LMO1: variants seen among roughly 807,000 people sequenced by gnomAD.
LMO1 encodes the protein rhombotin-1.
LMO1 carries 10 observed loss-of-function variants against 18.0 expected under a neutral mutation model. The ratio of observed to expected loss-of-function variants is 0.55; its 90% CI spans 0.34 to 0.94. The LOEUF (loss-of-function observed/expected upper bound fraction) is 0.94. Ranked by LOEUF, LMO1 falls within the 40% of genes least tolerant of loss-of-function variation. The pLI, the probability that LMO1 is intolerant of heterozygous loss-of-function variation, is 0.02. For missense variants in LMO1, 183 were observed against 205.7 expected, an observed-to-expected ratio of 0.89 and a Z score of 0.68; for synonymous variants, 77 against 77.9, an observed-to-expected ratio of 0.99 and a Z score of 0.06.
At chr11:8,230,215 C>T in intron 2 of LMO1, 76 bp downstream of exon 2, 3 of 1,346,450 alleles carry the variant, frequency 2.2e-6, no homozygotes, top group Non-Finnish European at 3.2e-6. Flanking sequence ...GCCGGGGGCA[C>T]AGTCACGCTG....
chr11:8,268,211 C>T (rs1235003351), upstream of LMO1, among the ~76,000 whole-genome samples: 1 of 152,200 alleles, frequency 6.6e-6, no homozygotes, highest in African/African-American at 2.4e-5. Context: ...CCGCCGCCGC[C>T]GAAGCCCGGG....
intron 1 of LMO1, among the ~76,000 whole-genome samples, chr11:8,232,332 C>G (rs1278151575): frequency 2.0e-5 from 3 of 152,188 alleles, no homozygotes; most frequent in Non-Finnish European, 4.4e-5. Flanking sequence ...CAGGGCCCAG[C>G]CTGGCACAGA....
chr11:8,250,966 G>T (rs577101211), intron 1 of LMO1, among the ~76,000 whole-genome samples: 1 of 152,212 alleles, frequency 6.6e-6, no homozygotes, highest in Non-Finnish European at 1.5e-5. Flanking sequence ...AACAGCAGGG[G>T]ACAGGGCCTT....
At chr11:8,226,885 G>A (rs578188357) in intron 3 of LMO1, 90 bp downstream of exon 3, 24 of 1,484,268 alleles carry the variant, frequency 1.6e-5, no homozygotes, top group East Asian at 1.2e-4. Flanking sequence ...CCGCATTTGC[G>A]TGCACGCCTC....
chr11:8,240,273 T>C (rs763724661), intron 1 of LMO1, among the ~76,000 whole-genome samples: 3 of 152,240 alleles, frequency 2.0e-5, no homozygotes, highest in African/African-American at 7.2e-5. Context: ...GGAAGCTTCA[T>C]ATGCTGCATT....
chr11:8,228,262 A>C (rs989985895), intron 2 of LMO1, among the ~76,000 whole-genome samples: 1 of 152,238 alleles, frequency 6.6e-6, no homozygotes, highest in African/African-American at 2.4e-5. Context: ...TGGATGTCCC[A>C]ATGGTCTGAG....
intron 1 of LMO1, among the ~76,000 whole-genome samples, chr11:8,255,255 C>G (rs183577020): frequency 1.6e-3 from 251 of 152,286 alleles, no homozygotes; most frequent in Non-Finnish European, 2.9e-3. Flanking sequence ...GCTTGTAATC[C>G]CAGCACTTTG....
chr11:8,259,128 A>C (rs1316562279), intron 1 of LMO1, among the ~76,000 whole-genome samples: 1 of 142,102 alleles, frequency 7.0e-6, no homozygotes, highest in African/African-American at 2.6e-5. Context: ...TTTTAGCAAG[A>C]CACCGCCATC....
intron 1 of LMO1, among the ~76,000 whole-genome samples, chr11:8,241,203 T>C (rs17227935): frequency 0.23 from 34,619 of 152,040 alleles, 4,110 homozygotes; most frequent in South Asian, 0.29. Context: ...CCCAGCACTC[T>C]GGCCAGAAAC....
At chr11:8,241,254 C>G (rs905286679) in intron 1 of LMO1, among the ~76,000 whole-genome samples, 4 of 152,206 alleles carry the variant, frequency 2.6e-5, no homozygotes, top group Non-Finnish European at 5.9e-5. Context: ...CACCCCTTTC[C>G]CTGCCAACTC....
chr11:8,252,604 TCAATG>T (rs1565186040), intron 1 of LMO1, among the ~76,000 whole-genome samples: 2 of 152,224 alleles, frequency 1.3e-5, no homozygotes, highest in African/African-American at 4.8e-5. Context: ...ACACTGTCTT[TCAATG>T]GCTTTCAGGA....
intron 1 of LMO1, among the ~76,000 whole-genome samples, chr11:8,241,265 T>C (rs951387256): frequency 6.6e-6 from 1 of 152,188 alleles, no homozygotes; most frequent in Non-Finnish European, 1.5e-5. Context: ...CTGCCAACTC[T>C]TGCTCCTCAT....
At chr11:8,233,448 C>A (rs980413368) in intron 1 of LMO1, among the ~76,000 whole-genome samples, 2 of 152,182 alleles carry the variant, frequency 1.3e-5, no homozygotes, top group African/African-American at 4.8e-5. Context: ...GGAAGCAATC[C>A]CTTGCTTCTC....
At chr11:8,263,222 C>T (rs1009541032) in intron 1 of LMO1, 116 bp downstream of exon 1, 34 of 978,186 alleles carry the variant, frequency 3.5e-5, no homozygotes, top group Admixed American at 4.1e-5. Flanking sequence ...GCCGCCCGCC[C>T]CGCAATCCCC....
At chr11:8,235,517 C>T (rs1349563302) in intron 1 of LMO1, among the ~76,000 whole-genome samples, 1 of 152,234 alleles carries the variant, frequency 6.6e-6, no homozygotes, top group Non-Finnish European at 1.5e-5. Flanking sequence ...ATTATCTAAT[C>T]TATAGACCTC....
chr11:8,262,697 C>A (rs1426406183), intron 1 of LMO1, among the ~76,000 whole-genome samples: 2 of 152,242 alleles, frequency 1.3e-5, no homozygotes, highest in Non-Finnish European at 1.5e-5. Context: ...AAACTCCCGC[C>A]TCCGCGCTCA....
At chr11:8,266,752 G>A (rs1028474007), upstream of LMO1, among the ~76,000 whole-genome samples, 5 of 152,200 alleles carry the variant, frequency 3.3e-5, no homozygotes, top group African/African-American at 7.2e-5. Flanking sequence ...GGCCCAGGCC[G>A]ACTAGATATT....
chr11:8,252,058 C>T (rs1847011190), intron 1 of LMO1, among the ~76,000 whole-genome samples: 1 of 152,002 alleles, frequency 6.6e-6, no homozygotes, highest in Non-Finnish European at 1.5e-5. Flanking sequence ...ACATATTCAG[C>T]ACCATCCCTC....
intron 3 of LMO1, among the ~76,000 whole-genome samples, chr11:8,226,157 A>T (rs932342747): frequency 6.6e-5 from 10 of 152,102 alleles, no homozygotes; most frequent in African/African-American, 2.4e-4. Flanking sequence ...TACACTGGGT[A>T]CGGGGGTGGG....
Sources: gnomAD v4.1 joint callset for allele counts (sites outside exome capture counted in the v4.1 genomes callset) on GRCh38, gnomAD v4.1.1 for gene constraint, MANE v1.5 for transcripts, NCBI Gene and HGNC (gene_info 2026-07-23, HGNC 2026-07-21) for gene names.